USP9X: variants seen among roughly 807,000 people sequenced by gnomAD.
USP9X encodes the protein ubiquitin specific peptidase 9 X-linked.
In USP9X, 7 loss-of-function variants were observed where a neutral mutation model predicts 190.3. That is an observed-to-expected ratio of 0.04 (90% CI 0.02 to 0.07). The LOEUF (loss-of-function observed/expected upper bound fraction) is 0.07. USP9X is among the 10% of genes least tolerant of loss of function. USP9X has a pLI of 1.00. For missense variants in USP9X, 1,010 were observed against 1,916.9 expected (o/e 0.53, Z 8.83); for synonymous variants, 645 against 659.5 (o/e 0.98, Z 0.34).
chrX:41,164,623 C>T (rs140237389), intron 15 of USP9X, among the ~76,000 whole-genome samples: 14 of 112,264 alleles, frequency 1.2e-4, no homozygotes, highest in African/African-American at 3.9e-4. Context: ...TTAATGCCTG[C>T]TGTGTGTTGG....
chrX:41,137,138 C>A, intron 6 of USP9X, 116 bp downstream of exon 6: 1 of 723,660 alleles, frequency 1.4e-6, no homozygotes, highest in Non-Finnish European at 2.0e-6. Context: ...AATGAAAATA[C>A]ACACAACCAG....
chrX:41,191,849 G>C, intron 26 of USP9X, among the ~76,000 whole-genome samples: 1 of 112,103 alleles, frequency 8.9e-6, no homozygotes, highest in South Asian at 3.7e-4. Context: ...AAGGTTTTGT[G>C]CAGGATGTAG....
At chrX:41,122,859 T>C (rs1204273003) in intron 1 of USP9X, among the ~76,000 whole-genome samples, 1 of 110,906 alleles carries the variant, frequency 9.0e-6, no homozygotes, top group Non-Finnish European at 1.9e-5. Context: ...GGAGTTCGGC[T>C]ATCTCACAGC....
chrX:41,137,029 TG>T lies in USP9X; in HGVS notation c.654+9del. On this transcript the variant is annotated splice_region_variant and intron_variant, in intron 6 of 44. Transcript: ENST00000378308. ...AGATCCTCGATCACCAAAGGTGTGT[TG>T]GTTTGTTATTTTCAAAATTAAATAA... 8.3e-7 allele frequency: 1 copy of T among 1,200,798 alleles called. No individual in the cohort carries two copies. Among genetic ancestry groups the T allele is most frequent in the Non-Finnish European group, 1.1e-6 (1 of 886,389 alleles).
intron 6 of USP9X, among the ~76,000 whole-genome samples, chrX:41,139,134 T>C (rs1299632304): frequency 8.9e-6 from 1 of 112,469 alleles, no homozygotes; most frequent in African/African-American, 3.2e-5. Flanking sequence ...AGTATATCAA[T>C]CTAATAGTCT....
intron 31 of USP9X, among the ~76,000 whole-genome samples, chrX:41,201,878 G>A (rs937443031): frequency 1.8e-5 from 2 of 111,549 alleles, no homozygotes; most frequent in Non-Finnish European, 3.8e-5. Flanking sequence ...GGCTGAGGCA[G>A]GAGAATCACT....
At chrX:41,178,320 C>T (rs745519767) in intron 21 of USP9X, among the ~76,000 whole-genome samples, 35 of 108,478 alleles carry the variant, frequency 3.2e-4, no homozygotes, top group Non-Finnish European at 4.4e-4. Context: ...AGGCTGGTCT[C>T]GAACGCTTGA....
chrX:41,223,462 A>C (rs775582803), intron 39 of USP9X, 60 bp downstream of exon 39: 28 of 1,139,591 alleles, frequency 2.5e-5, no homozygotes, highest in African/African-American at 3.6e-5. Context: ...TTTGAGACAG[A>C]GTTTTGCTGT....
At chrX:41,106,549 T>TTTA (rs1429476325) in intron 1 of USP9X, among the ~76,000 whole-genome samples, 7 of 90,294 alleles carry the variant, frequency 7.8e-5, no homozygotes, top group Non-Finnish European at 1.1e-4. Context: ...TTTTTTTTTT[T>TTTA]AGACAGAGTC....
chrX:41,229,424 C>G lies in USP9X; in HGVS notation c.7218+15C>G. 5 of 1,155,737 alleles carry G rather than the reference C, an allele frequency of 4.3e-6. No homozygotes were observed. Among genetic ancestry groups the G allele is most frequent in the Non-Finnish European group, 5.7e-6 (5 of 871,233 alleles). On this transcript the variant is annotated intron_variant, in intron 42 of 44. Transcript: ENST00000378308. ...AAATCCTGCAGGTGAGGATTTTTTT[C>G]TTATAATTTTGTAGAAATCTTAATC...
At chrX:41,143,592 T>C (rs1446841909) in intron 10 of USP9X, 149 bp downstream of exon 10, 5 of 399,877 alleles carry the variant, frequency 1.3e-5, no homozygotes, top group African/African-American at 7.8e-5. Flanking sequence ...AGGAATCTTT[T>C]TGAAATAACC....
chrX:41,089,319 A>G (rs2061935858), intron 1 of USP9X, among the ~76,000 whole-genome samples: 1 of 112,151 alleles, frequency 8.9e-6, no homozygotes, highest in African/African-American at 3.2e-5. Flanking sequence ...TGTTAGTGAA[A>G]TGACACTGAT....
chrX:41,195,193 C>A lies in USP9X; in HGVS notation c.3978-1058C>A, dbSNP rs753637458. 5.4e-5 allele frequency among the ~76,000 whole-genome samples: 6 copies of A among 110,393 alleles called. No individual in the cohort carries two copies. The Admixed American group carries it at 5.8e-4, about 11-fold the overall frequency. ...CTGGGATTACAGGCACCCACCACCA[C>A]GCCTGGCTAATTTTTGTATTTTTAG... is the stretch of plus-strand genomic sequence containing the variant. On this transcript the variant is annotated intron_variant, in intron 26 of 44. Transcript: ENST00000378308.
intron 22 of USP9X, 73 bp from the exon 23 acceptor site, chrX:41,184,324 T>TAGTAC: frequency 9.2e-7 from 1 of 1,091,962 alleles, no homozygotes; most frequent in South Asian, 2.2e-5. Flanking sequence ...GCACTGACAA[T>TAGTAC]AGTACAAATA....
At chrX:41,109,045 C>T (rs2062090088) in intron 1 of USP9X, among the ~76,000 whole-genome samples, 1 of 111,476 alleles carries the variant, frequency 9.0e-6, no homozygotes, top group Non-Finnish European at 1.9e-5. Context: ...GAGGTGTGTT[C>T]TTGGCCGTTC....
chrX:41,095,453 G>A (rs2061982799), intron 1 of USP9X, among the ~76,000 whole-genome samples: 1 of 112,377 alleles, frequency 8.9e-6, no homozygotes, highest in African/African-American at 3.2e-5. Flanking sequence ...CCCACAAGAT[G>A]CCAGTGGTAT....
rs1404770022 is a variant in USP9X, at chrX:41,216,710, A to G, written c.6085+58A>G. On this transcript the variant is annotated intron_variant, in intron 35 of 44. Transcript: ENST00000378308. ...TAAAGAATAATTTATAGTAGGCGTCAACATGTTTAAGTTCATAAAATTAAT... is the reference window on the plus strand; with the variant it reads ...TAAAGAATAATTTATAGTAGGCGTCGACATGTTTAAGTTCATAAAATTAAT... 9 of 1,094,812 alleles carry G rather than the reference A, an allele frequency of 8.2e-6. No individual in the cohort carries two copies. In the African/African-American group the frequency reaches 1.3e-4, roughly 16 times the overall value. 90.2% of individuals were successfully genotyped at this position (1,094,812 alleles called of 1,213,427 possible). A position where few individuals can be genotyped will look rare whatever the true frequency, so the allele number is the denominator to read the frequency against.
chrX:41,129,020 C>A lies in USP9X; in HGVS notation c.117C>A (p.Ser39=). ...TTAAGACTTCATCGCCTGATTCTTC[C>A]AATGAAAATTCCCCGGCAACTCCCC... ...QQNQTSSPDS[S]NENSPATPPD... Residue 39 remains serine (S), a synonymous_variant, in exon 3 of 45, where the codon TCC becomes TCA. Transcript: ENST00000378308. The A allele has an allele frequency of 8.3e-7, 1 of 1,209,837 alleles. No homozygotes were observed. The highest frequency in any genetic ancestry group is 1.1e-6 in the Non-Finnish European group (1 of 894,669).
intron 14 of USP9X, among the ~76,000 whole-genome samples, chrX:41,160,321 CAT>C (rs59728639): frequency 1.2e-3 from 124 of 106,785 alleles, no homozygotes; most frequent in African/African-American, 3.5e-3. Flanking sequence ...TATATATATA[CAT>C]ATATATATAT....
Sources: allele counts gnomAD v4.1 joint callset (sites outside exome capture counted in the v4.1 genomes callset), GRCh38; gene constraint gnomAD v4.1.1; transcripts MANE v1.5; gene names NCBI Gene and HGNC (gene_info 2026-07-23, HGNC 2026-07-21).